Variants in KCNIP4 observed in about 807,000 individuals in gnomAD.
KCNIP4 encodes Kv channel-interacting protein 4.
KCNIP4 carries 12 observed loss-of-function variants against 34.0 expected under a neutral mutation model. The ratio of observed to expected loss-of-function variants is 0.35; its 90% CI spans 0.23 to 0.57. The LOEUF is 0.57. KCNIP4 is among the 20% of genes least tolerant of loss of function. KCNIP4 has a pLI of 0.83. For missense variants in KCNIP4, 238 were observed against 311.7 expected (o/e 0.76, Z 1.78); for synonymous variants, 124 against 102.2 (o/e 1.21, Z -1.29).
At chr4:21,253,358 C>A (rs1760850735) in intron 1 of KCNIP4, among the ~76,000 whole-genome samples, 2 of 152,094 alleles carry the variant, frequency 1.3e-5, no homozygotes, top group African/African-American at 4.8e-5. Flanking sequence ...AAGTAATCTT[C>A]TGGAGAAAGA....
intron 1 of KCNIP4, among the ~76,000 whole-genome samples, chr4:21,390,548 A>G (rs1052075225): frequency 2.0e-5 from 3 of 152,168 alleles, no homozygotes; most frequent in Non-Finnish European, 2.9e-5. Flanking sequence ...AGCACCATTT[A>G]TTAAATAGGG....
intron 1 of KCNIP4, among the ~76,000 whole-genome samples, chr4:21,124,738 A>G (rs931521030): frequency 6.6e-6 from 1 of 152,146 alleles, no homozygotes; most frequent in African/African-American, 2.4e-5. Context: ...ATGCAGCCTC[A>G]CCTTGACAGT....
chr4:21,012,353 A>G (rs1052341102), intron 1 of KCNIP4, among the ~76,000 whole-genome samples: 29 of 152,190 alleles, frequency 1.9e-4, no homozygotes, highest in Admixed American at 1.6e-3. Context: ...CCAAAGCAAG[A>G]GGATCGCTTG....
intron 1 of KCNIP4, among the ~76,000 whole-genome samples, chr4:20,940,243 A>T (rs1048006028): frequency 6.6e-6 from 1 of 152,138 alleles, no homozygotes; most frequent in Non-Finnish European, 1.5e-5. Context: ...CTTGCATTAG[A>T]TGCAATTTCT....
At chr4:21,139,308 A>C (rs1751752472) in intron 1 of KCNIP4, among the ~76,000 whole-genome samples, 1 of 152,214 alleles carries the variant, frequency 6.6e-6, no homozygotes, top group South Asian at 2.1e-4. Flanking sequence ...AAAAATAGAA[A>C]CGTAAACAAA....
At chr4:21,516,298 A>G (rs1031332873) in intron 1 of KCNIP4, among the ~76,000 whole-genome samples, 4 of 152,192 alleles carry the variant, frequency 2.6e-5, no homozygotes, top group African/African-American at 9.7e-5. Flanking sequence ...CCCAAAGTTG[A>G]GTCAATGTAC....
chr4:20,821,706 C>T (rs1717128608), intron 3 of KCNIP4, among the ~76,000 whole-genome samples: 1 of 152,124 alleles, frequency 6.6e-6, no homozygotes, highest in African/African-American at 2.4e-5. Flanking sequence ...TAGCTTAGCT[C>T]CCATTTATAA....
chr4:21,244,929 T>G (rs1760093894), intron 1 of KCNIP4, among the ~76,000 whole-genome samples: 1 of 152,226 alleles, frequency 6.6e-6, no homozygotes, highest in African/African-American at 2.4e-5. Context: ...TAAATGCTAC[T>G]GAATCAAAAG....
chr4:20,848,353 A>C (rs1206492391), intron 3 of KCNIP4, among the ~76,000 whole-genome samples: 1 of 151,724 alleles, frequency 6.6e-6, no homozygotes, highest in Non-Finnish European at 1.5e-5. Flanking sequence ...GAGACAGAAG[A>C]GGTGAAAAAA....
chr4:20,847,328 A>C (rs1387970358), intron 3 of KCNIP4, among the ~76,000 whole-genome samples: 2 of 152,170 alleles, frequency 1.3e-5, no homozygotes, highest in East Asian at 3.9e-4. Flanking sequence ...GCACAAAACC[A>C]GTGATTCTCA....
intron 1 of KCNIP4, among the ~76,000 whole-genome samples, chr4:21,438,193 T>A (rs751002030): frequency 6.6e-6 from 1 of 152,154 alleles, no homozygotes; most frequent in Non-Finnish European, 1.5e-5. Context: ...AAAGTTCGAA[T>A]GAGGCCCAGG....
At chr4:21,322,188 G>A (rs989007989) in intron 1 of KCNIP4, among the ~76,000 whole-genome samples, 1 of 151,138 alleles carries the variant, frequency 6.6e-6, no homozygotes, top group Non-Finnish European at 1.5e-5. Flanking sequence ...AAGGAAGGAA[G>A]GAAATGAGGG....
intron 1 of KCNIP4, among the ~76,000 whole-genome samples, chr4:21,420,309 C>T (rs1327858865): frequency 6.6e-6 from 1 of 152,182 alleles, no homozygotes; most frequent in Non-Finnish European, 1.5e-5. Context: ...CCCACTGCCA[C>T]CTCTGTACTT....
chr4:21,635,264 A>G (rs960052335), intron 1 of KCNIP4, among the ~76,000 whole-genome samples: 1 of 152,114 alleles, frequency 6.6e-6, no homozygotes, highest in Non-Finnish European at 1.5e-5. Context: ...TCTAATGTCA[A>G]TTCTCGACAT....
At chr4:21,093,681 C>CA (rs1185950810) in intron 1 of KCNIP4, among the ~76,000 whole-genome samples, 1 of 151,928 alleles carries the variant, frequency 6.6e-6, no homozygotes, top group Non-Finnish European at 1.5e-5. Flanking sequence ...ACGAAGATGA[C>CA]AAAACTTCTT....
intron 1 of KCNIP4, chr4:21,303,744 A>T: frequency 7.5e-7 from 1 of 1,340,362 alleles, no homozygotes; most frequent in Non-Finnish European, 1.1e-6. Context: ...TCTTACATTC[A>T]CCTAAGACAT....
At chr4:21,729,558 G>A (rs1346139159) in intron 1 of KCNIP4, among the ~76,000 whole-genome samples, 1 of 146,168 alleles carries the variant, frequency 6.8e-6, no homozygotes, top group African/African-American at 2.6e-5. Flanking sequence ...AGCCTCAAGT[G>A]TTTTTTAAAT....
At chr4:20,943,124 A>T (rs1560588632) in intron 1 of KCNIP4, among the ~76,000 whole-genome samples, 1 of 152,004 alleles carries the variant, frequency 6.6e-6, no homozygotes, top group Non-Finnish European at 1.5e-5. Context: ...CAGGCATTGC[A>T]TTTTTTTATT....
At chr4:20,932,135 CTA>C (rs1489618614) in intron 1 of KCNIP4, among the ~76,000 whole-genome samples, 2 of 41,132 alleles carry the variant, frequency 4.9e-5, no homozygotes. Flanking sequence ...ATATTGTAGA[CTA>C]TAATAGTCTA....
Sources: gnomAD v4.1 joint callset for allele counts (sites outside exome capture counted in the v4.1 genomes callset) on GRCh38, gnomAD v4.1.1 for gene constraint, MANE v1.5 for transcripts, NCBI Gene and HGNC (gene_info 2026-07-23, HGNC 2026-07-21) for gene names.